The following EFL1 variants were observed in gnomAD, a reference collection of about 807,000 sequenced individuals.
EFL1 encodes elongation factor-like GTPase 1.
A neutral mutation model predicts 126.7 loss-of-function variants in EFL1; 76 were observed. That is an observed-to-expected ratio of 0.60 (90% CI 0.50 to 0.73). The LOEUF is 0.73. Ranked by LOEUF, EFL1 falls within the 30% of genes least tolerant of loss-of-function variation. The pLI is 0.00. For missense variants in EFL1, 1,128 were observed against 1,343.2 expected, an observed-to-expected ratio of 0.84 and a Z score of 2.50; for synonymous variants, 410 against 448.4, an observed-to-expected ratio of 0.91 and a Z score of 1.08.
intron 19 of EFL1, among the ~76,000 whole-genome samples, chr15:82,135,058 T>C (rs2073706054): frequency 6.6e-6 from 1 of 152,184 alleles, no homozygotes. Flanking sequence ...ATCAGATCAA[T>C]GACATTTAAT....
At chr15:82,186,590 T>C (rs889412373) in intron 15 of EFL1, among the ~76,000 whole-genome samples, 1 of 152,232 alleles carries the variant, frequency 6.6e-6, no homozygotes, top group Non-Finnish European at 1.5e-5. Flanking sequence ...ATTTTTAACA[T>C]AATTAACTCG....
At chr15:82,227,043 G>A (rs8030210) in intron 11 of EFL1, among the ~76,000 whole-genome samples, 36,205 of 152,080 alleles carry the variant, frequency 0.24, 4,624 homozygotes, top group South Asian at 0.4. Context: ...TTAATGAACC[G>A]AAAGTCAATA....
intron 19 of EFL1, among the ~76,000 whole-genome samples, chr15:82,133,853 G>A (rs960753395): frequency 6.6e-6 from 1 of 152,184 alleles, no homozygotes; most frequent in Non-Finnish European, 1.5e-5. Flanking sequence ...AGACTGCAAT[G>A]AGCGAGAAGA....
At chr15:82,246,761 G>T (rs1387573653) in intron 4 of EFL1, among the ~76,000 whole-genome samples, 1 of 152,076 alleles carries the variant, frequency 6.6e-6, no homozygotes, top group Non-Finnish European at 1.5e-5. Context: ...AAGCAGGTGA[G>T]AATTCTTCTC....
chr15:82,175,415 C>A (rs1355718025), intron 15 of EFL1, among the ~76,000 whole-genome samples: 2 of 152,176 alleles, frequency 1.3e-5, no homozygotes, highest in Admixed American at 1.3e-4. Context: ...AGAACAGAAG[C>A]AGTTCTGTTA....
At chr15:82,165,805 TTAAC>T (rs2074073821) in intron 15 of EFL1, among the ~76,000 whole-genome samples, 1 of 152,218 alleles carries the variant, frequency 6.6e-6, no homozygotes, top group South Asian at 2.1e-4. Flanking sequence ...ATTAGCTCCT[TTAAC>T]TAATCAGCAC....
intron 3 of EFL1, among the ~76,000 whole-genome samples, chr15:82,255,540 C>T (rs1182545739): frequency 6.6e-6 from 1 of 152,112 alleles, no homozygotes; most frequent in Non-Finnish European, 1.5e-5. Context: ...AAATTGTTTG[C>T]ACATTTTTGT....
At chr15:82,136,625 G>A (rs993679830) in intron 19 of EFL1, among the ~76,000 whole-genome samples, 34 of 152,256 alleles carry the variant, frequency 2.2e-4, no homozygotes, top group Non-Finnish European at 2.1e-4. Flanking sequence ...TTGCACTACA[G>A]ACATAGTTCT....
At chr15:82,248,580 C>T (rs2074993966) in intron 4 of EFL1, among the ~76,000 whole-genome samples, 1 of 152,126 alleles carries the variant, frequency 6.6e-6, no homozygotes, top group South Asian at 2.1e-4. Flanking sequence ...AAGTGATCAA[C>T]TTGCATATGG....
chr15:82,169,719 G>A (rs149861142), intron 15 of EFL1, among the ~76,000 whole-genome samples: 2 of 150,932 alleles, frequency 1.3e-5, no homozygotes, highest in Admixed American at 6.6e-5. Context: ...TCCATTTGGC[G>A]TCTAAGTTTC....
intron 4 of EFL1, among the ~76,000 whole-genome samples, chr15:82,245,357 C>A (rs1475120888): frequency 6.6e-6 from 1 of 152,014 alleles, no homozygotes; most frequent in Non-Finnish European, 1.5e-5. Flanking sequence ...CGTGGCAGGT[C>A]TCAAACTCCT....
intron 4 of EFL1, among the ~76,000 whole-genome samples, chr15:82,245,106 T>C (rs1407431636): frequency 6.6e-6 from 1 of 152,112 alleles, no homozygotes; most frequent in Non-Finnish European, 1.5e-5. Context: ...CCCAACTATA[T>C]ATAAAGTAAC....
intron 16 of EFL1, 33 bp from the exon 17 acceptor site, chr15:82,157,893 AT>A (rs1296401495): frequency 6.3e-7 from 1 of 1,595,676 alleles, no homozygotes; most frequent in Non-Finnish European, 8.6e-7. Context: ...ATTAAATATG[AT>A]ATAAGAACTA....
At chr15:82,188,670 G>A (rs544643463) in intron 15 of EFL1, among the ~76,000 whole-genome samples, 1 of 152,028 alleles carries the variant, frequency 6.6e-6, no homozygotes, top group Admixed American at 6.5e-5. Flanking sequence ...TTAAAACAAT[G>A]TGCCTCTTCC....
rs1202136389 is a variant in EFL1 at position 82,262,670 on chromosome 15, A to G, written c.-76T>C. 3.7e-6 allele frequency: 2 copies of G among 537,730 alleles called. No individual in the cohort carries two copies. The highest frequency in any genetic ancestry group is 2.3e-5 in the South Asian group (1 of 43,412). The allele number at this position is 537,730 out of a possible 1,614,324, so 33.3% of individuals were successfully genotyped here. On this transcript the variant is annotated 5_prime_UTR_variant, in exon 1 of 20. Coordinates refer to ENST00000268206, the MANE Select transcript of EFL1 (RefSeq NM_024580.6). ...TCTCTCGGGTCGCACCCACACCGAGAGCTTCCGAAAGTCCGAGAGCTCTGC... is the reference window on the plus strand; with the variant it reads ...TCTCTCGGGTCGCACCCACACCGAGGGCTTCCGAAAGTCCGAGAGCTCTGC...
chr15:82,214,453 T>C (rs2074622333), intron 15 of EFL1, among the ~76,000 whole-genome samples: 1 of 152,190 alleles, frequency 6.6e-6, no homozygotes, highest in African/African-American at 2.4e-5. Flanking sequence ...CCTCTCGCTC[T>C]GAAATAAATG....
intron 15 of EFL1, among the ~76,000 whole-genome samples, chr15:82,208,378 T>C (rs1432557981): frequency 6.6e-6 from 1 of 152,218 alleles, no homozygotes; most frequent in Non-Finnish European, 1.5e-5. Flanking sequence ...GCACTTGAAA[T>C]ATGGCTAGTG....
chr15:82,151,316 A>T, intron 18 of EFL1, 149 bp downstream of exon 18: 1 of 721,218 alleles, frequency 1.4e-6, no homozygotes, highest in South Asian at 1.8e-5. Context: ...TGAGCCTGGT[A>T]GGCAGAGGTT....
At chr15:82,131,797 G>GA (rs1040306830) in intron 19 of EFL1, among the ~76,000 whole-genome samples, 5 of 146,288 alleles carry the variant, frequency 3.4e-5, no homozygotes, top group African/African-American at 7.5e-5. Flanking sequence ...TGTCTCAAAA[G>GA]AAAAAAAAAA....
Sources: gnomAD v4.1 joint callset for allele counts (sites outside exome capture counted in the v4.1 genomes callset) on GRCh38, gnomAD v4.1.1 for gene constraint, MANE v1.5 for transcripts, NCBI Gene and HGNC (gene_info 2026-07-23, HGNC 2026-07-21) for gene names.